Variants in DGKG observed in about 807,000 individuals in gnomAD.
DGKG encodes diacylglycerol kinase gamma, also known as DAG kinase gamma.
A neutral mutation model predicts 105.3 loss-of-function variants in DGKG; 78 were observed. The ratio of observed to expected loss-of-function variants is 0.74; its 90% CI spans 0.62 to 0.89. The LOEUF (loss-of-function observed/expected upper bound fraction) is 0.89. Among genes scored for constraint, DGKG ranks in the 40% least tolerant of loss-of-function variants. The pLI, the probability that DGKG is intolerant of heterozygous loss-of-function variation, is 0.00. For synonymous variants in DGKG, 346 were observed against 367.1 expected (o/e 0.94, Z 0.66); for missense variants, 958 against 1,020.1 (o/e 0.94, Z 0.83).
rs1445019056 is a variant in DGKG at position 186,231,969 on chromosome 3, CAG to C, written c.1826+10533_1826+10534del. ...AAACTATACTACTGCATAGTTCAGACAGCAACTCTTGCTATCTCTGGTGGTCA... is the reference window on the plus strand; with the variant it reads ...AAACTATACTACTGCATAGTTCAGACCAACTCTTGCTATCTCTGGTGGTCA... On this transcript the variant is annotated intron_variant, in intron 20 of 24. Coordinates refer to ENST00000265022, the MANE Select transcript of DGKG (RefSeq NM_001346.3). The surrounding 1 kb of genome is among the most constrained non-coding windows in gnomAD (Gnocchi z 4.5). Among the ~76,000 whole-genome samples the C allele has an allele frequency of 1.3e-5, 2 of 152,088 alleles. No homozygotes were observed. Among genetic ancestry groups the C allele is most frequent in the African/African-American group, 4.8e-5 (2 of 41,440 alleles).
chr3:186,332,300 C>A (rs1326250550), intron 1 of DGKG, among the ~76,000 whole-genome samples: 1 of 152,184 alleles, frequency 6.6e-6, no homozygotes, highest in Non-Finnish European at 1.5e-5. Flanking sequence ...GAAAGAAAAC[C>A]TTGCTCTTGC....
chr3:186,270,494 T>C (rs962329258), intron 11 of DGKG, among the ~76,000 whole-genome samples: 1 of 152,252 alleles, frequency 6.6e-6, no homozygotes, highest in African/African-American at 2.4e-5. Flanking sequence ...AGAATGTTTT[T>C]GGCAAAATTA....
intron 1 of DGKG, among the ~76,000 whole-genome samples, chr3:186,349,143 C>A (rs987048015): frequency 2.0e-5 from 3 of 151,930 alleles, no homozygotes; most frequent in African/African-American, 7.2e-5. Flanking sequence ...ACGATCTTGG[C>A]TCACTACAGC....
At chr3:186,185,959 G>A (rs147362389) in intron 22 of DGKG, among the ~76,000 whole-genome samples, 7,420 of 151,616 alleles carry the variant, frequency 0.049, 481 homozygotes, top group African/African-American at 0.15. Flanking sequence ...GTAGCCGGGC[G>A]TGATGGTGCA....
intron 23 of DGKG, among the ~76,000 whole-genome samples, chr3:186,163,001 T>C (rs1716373707): frequency 6.6e-6 from 1 of 152,140 alleles, no homozygotes; most frequent in Non-Finnish European, 1.5e-5. Flanking sequence ...TTTTCTGACC[T>C]TGGCATATGA....
At chr3:186,255,305 C>A (rs951542432) in intron 17 of DGKG, among the ~76,000 whole-genome samples, 17 of 152,244 alleles carry the variant, frequency 1.1e-4, no homozygotes, top group Non-Finnish European at 7.3e-5. Context: ...TGCTTACCGA[C>A]TGTCCAGTGG....
intron 14 of DGKG, among the ~76,000 whole-genome samples, chr3:186,262,335 T>A (rs1390435156): frequency 6.6e-6 from 1 of 152,206 alleles, no homozygotes; most frequent in Non-Finnish European, 1.5e-5. Flanking sequence ...TCTCTCCCTA[T>A]GAAACTCGGC....
chr3:186,226,252 A>C lies in DGKG; in HGVS notation c.1827-14367T>G, dbSNP rs1719853619. ...GGACAAATTCTTTAGTAAGTAGATA[A>C]TCCAATCCTTCAAATTTCTTCTTTT... On this transcript the variant is annotated intron_variant, in intron 20 of 24. Transcript: ENST00000265022. This position sits in a 1 kb window ranked among gnomAD's most constrained non-coding sequence, Gnocchi z 4.2. 6.6e-6 allele frequency among the ~76,000 whole-genome samples: 1 copy of C among 152,204 alleles called. No individual in the cohort carries two copies.
intron 23 of DGKG, among the ~76,000 whole-genome samples, chr3:186,162,814 T>C (rs1271631531): frequency 2.0e-5 from 3 of 152,172 alleles, no homozygotes; most frequent in Non-Finnish European, 4.4e-5. Context: ...AGTGCTGGGA[T>C]TACAGGCGTG....
At chr3:186,189,918 C>T (rs1717824607) in intron 21 of DGKG, among the ~76,000 whole-genome samples, 1 of 152,118 alleles carries the variant, frequency 6.6e-6, no homozygotes, top group South Asian at 2.1e-4. Context: ...CTCCTTCCTC[C>T]TCCATAGGCC....
At position 186,148,101 on chromosome 3, in the gene DGKG, G is replaced by A; in HGVS notation, c.*1989C>T. On this transcript the variant is annotated 3_prime_UTR_variant, in exon 25 of 25. Transcript: ENST00000265022. ...AGGCAGCTCAGTGGAACGATATCAA[G>A]TGGGTCCAAGTTTCCACTGATAAAT... The A allele has an allele frequency of 1.0e-6, 1 of 985,428 alleles. No homozygotes were observed. Among genetic ancestry groups the A allele is most frequent in the South Asian group, 4.7e-5 (1 of 21,290 alleles). 61.0% of individuals were successfully genotyped at this position (985,428 alleles called of 1,614,324 possible).
At chr3:186,348,385 TC>T (rs1453950198) in intron 1 of DGKG, among the ~76,000 whole-genome samples, 146 of 147,892 alleles carry the variant, frequency 9.9e-4, no homozygotes, top group African/African-American at 3.5e-3. Context: ...TTTTTTTTTT[TC>T]CTTGTCTGAG....
intron 24 of DGKG, among the ~76,000 whole-genome samples, chr3:186,151,696 C>T (rs1297772602): frequency 1.3e-5 from 2 of 152,100 alleles, no homozygotes; most frequent in Non-Finnish European, 2.9e-5. Flanking sequence ...AATAACATGA[C>T]ACAAAAGAAA....
At chr3:186,214,815 C>A (rs138888390) in intron 20 of DGKG, among the ~76,000 whole-genome samples, 24 of 152,300 alleles carry the variant, frequency 1.6e-4, no homozygotes, top group South Asian at 6.2e-4. Context: ...AAATAGCATT[C>A]CTGGACATCT....
At chr3:186,296,143 A>G (rs1723552487) in intron 5 of DGKG, among the ~76,000 whole-genome samples, 1 of 151,790 alleles carries the variant, frequency 6.6e-6, no homozygotes, top group African/African-American at 2.4e-5. Flanking sequence ...AATAAAGTAT[A>G]CTTCTGGAAG....
intron 5 of DGKG, among the ~76,000 whole-genome samples, chr3:186,294,888 G>A (rs1723476401): frequency 6.6e-6 from 1 of 152,178 alleles, no homozygotes; most frequent in Non-Finnish European, 1.5e-5. Flanking sequence ...GCCTGCTGCT[G>A]TCCCTGAAGC....
chr3:186,350,059 T>C (rs1256063359), intron 1 of DGKG, among the ~76,000 whole-genome samples: 4 of 152,032 alleles, frequency 2.6e-5, no homozygotes, highest in Non-Finnish European at 1.5e-5. Flanking sequence ...AATTTTTGTG[T>C]AGTTTTTTTA....
intron 23 of DGKG, among the ~76,000 whole-genome samples, chr3:186,162,262 A>T (rs1455797114): frequency 6.6e-6 from 1 of 152,200 alleles, no homozygotes; most frequent in East Asian, 1.9e-4. Context: ...CACTTTGAGA[A>T]ATACTGCTGT....
intron 3 of DGKG, among the ~76,000 whole-genome samples, chr3:186,303,152 C>A (rs962987551): frequency 6.6e-6 from 1 of 152,168 alleles, no homozygotes; most frequent in Non-Finnish European, 1.5e-5. Context: ...AGACATGCAA[C>A]GATGTGCCAC....
Sources: gnomAD v4.1 joint callset for allele counts (sites outside exome capture counted in the v4.1 genomes callset) on GRCh38, gnomAD v4.1.1 for gene constraint, Gnocchi (gnomAD v3.1) non-coding constraint, MANE v1.5 for transcripts, NCBI Gene and HGNC (gene_info 2026-07-23, HGNC 2026-07-21) for gene names.